The following SDHAF1 variants were observed in gnomAD, a reference collection of about 807,000 sequenced individuals.
The protein encoded by SDHAF1 is succinate dehydrogenase complex assembly factor 1.
For missense variants in SDHAF1, 198 were observed against 179.0 expected, an observed-to-expected ratio of 1.11 and a Z score of -0.61; for synonymous variants, 81 against 85.8, an observed-to-expected ratio of 0.94 and a Z score of 0.31.
chr19:35,995,383 C>G lies in SDHAF1; in HGVS notation c.109C>G (p.Arg37Gly). ...CGAGGCGCGAGTGCGGGCAGAGTTC[C>G]GGCAGCATGCGGGCCTGCCGCGGTC... ...GAEARVRAEF[R>G]QHAGLPRSDV... The change falls in exon 1 of 1, where the codon CGG becomes GGG. Residue 37 changes from arginine to glycine, a missense_variant. Coordinates refer to ENST00000378887, the MANE Select transcript of SDHAF1 (RefSeq NM_001042631.3). 1 of 1,558,788 alleles carries G rather than the reference C, an allele frequency of 6.4e-7. No homozygotes were observed. Among genetic ancestry groups the G allele is most frequent in the Non-Finnish European group, 8.6e-7 (1 of 1,159,938 alleles).
Position 35,995,547 on chromosome 19 carries a change from G to A in SDHAF1, c.273G>A (p.Gln91=). 6.5e-7 allele frequency: 1 copy of A among 1,535,930 alleles called. No homozygotes were observed. Among genetic ancestry groups the A allele is most frequent in the Non-Finnish European group, 8.7e-7 (1 of 1,145,586 alleles). The change falls in exon 1 of 1, where the codon CAG becomes CAA. Residue 91 remains glutamine, a synonymous_variant. Coordinates refer to ENST00000378887, the MANE Select transcript of SDHAF1 (RefSeq NM_001042631.3). ...GGGAGCCTGGCGGCGTGGGTTGCCA[G>A]CCTGACGACGGCGACAGTCCAAGGA... ...PTGEPGGVGC[Q]PDDGDSPRNP... is the part of the protein sequence containing the mutation.
rs1770224635 is a variant in SDHAF1, at chr19:35,996,077, T to C, written c.*455T>C. 5.7e-6 allele frequency: 1 copy of C among 176,380 alleles called. No individual in the cohort carries two copies. The highest frequency in any genetic ancestry group is 1.9e-4 in the East Asian group (1 of 5,372). 10.9% of individuals were successfully genotyped at this position (176,380 alleles called of 1,614,324 possible). ...AGTGCAGACTTTTTGCTGAGAACGT[T>C]TTGGGAAGGTGCCCTGATGAGCGGT... On this transcript the variant is annotated 3_prime_UTR_variant, in exon 1 of 1. Transcript: ENST00000378887.
Position 35,995,372 on chromosome 19 carries a change from G to T in SDHAF1, c.98G>T (p.Arg33Leu). Residue 33 changes from arginine (R) to leucine (L), a missense_variant, in exon 1 of 1, where the codon CGG (arginine) becomes CTG (leucine). By Grantham distance (102) the Arg-to-Leu change is moderately radical (BLOSUM62 -2). Coordinates refer to ENST00000378887, the MANE Select transcript of SDHAF1 (RefSeq NM_001042631.3). Reference sequence around the variant, plus strand: ...AAGCCGGGCGCCGAGGCGCGAGTGCGGGCAGAGTTCCGGCAGCATGCGGGC... The same window carrying T: ...AAGCCGGGCGCCGAGGCGCGAGTGCTGGCAGAGTTCCGGCAGCATGCGGGC... ...RGKPGAEARV[R>L]AEFRQHAGLP... The T allele has an allele frequency of 6.4e-7, 1 of 1,556,790 alleles. No homozygotes were observed. The highest frequency in any genetic ancestry group is 8.6e-7 in the Non-Finnish European group (1 of 1,158,858).
chr19:35,995,408 C>G lies in SDHAF1; in HGVS notation c.134C>G (p.Ser45Cys). Residue 45 changes from serine (S) to cysteine (C), a missense_variant, in exon 1 of 1, where the codon TCC becomes TGC. Ser to Cys is a moderately radical substitution (Grantham distance 112). Transcript: ENST00000378887. ...EFRQHAGLPR[S>C]DVLRIEYLYR... is the part of the protein sequence containing the mutation. The stretch of plus-strand genomic sequence containing the variant: ...CGGCAGCATGCGGGCCTGCCGCGGT[C>G]CGACGTGCTGCGCATCGAGTACCTG... 1.3e-6 allele frequency: 2 copies of G among 1,566,400 alleles called. No homozygotes were observed. The highest frequency in any genetic ancestry group is 1.7e-6 in the Non-Finnish European group (2 of 1,164,162).
chr19:35,995,465 T>A lies in SDHAF1; in HGVS notation c.191T>A (p.Leu64Gln), dbSNP rs1464896081. The A allele has an allele frequency of 2.6e-6, 4 of 1,561,538 alleles. No individual in the cohort carries two copies. The highest frequency in any genetic ancestry group is 1.8e-5 in the Admixed American group (1 of 55,950). Residue 64 changes from leucine to glutamine, a missense_variant, in exon 1 of 1, where the codon CTA becomes CAA. Transcript: ENST00000378887. ...CGCGGGCGGCGCCAGCTGCAGCTGC[T>A]ACGCTCGGGCCACGCCACCGCCATG... ...YRRGRRQLQL[L>Q]RSGHATAMGA...
In SDHAF1 at chr19:35,995,343, T is replaced by TGGGAAGCCGGGCGC; in HGVS notation, c.70_83dup (p.Glu29GlyfsTer111). 1 of 1,550,066 alleles carries TGGGAAGCCGGGCGC rather than the reference T, an allele frequency of 6.5e-7. No individual in the cohort carries two copies. Among genetic ancestry groups the TGGGAAGCCGGGCGC allele is most frequent in the African/African-American group, 1.4e-5 (1 of 73,652 alleles). On this transcript the variant is annotated frameshift_variant, in exon 1 of 1. Transcript: ENST00000378887. LOFTEE classifies it low-confidence loss of function (END_TRUNC). ...ACCGCGATCTGCTGCGCGCCGGGCG[T>TGGGAAGCCGGGCGC]GGGAAGCCGGGCGCCGAGGCGCGAG...
chr19:35,995,358 C>G lies in SDHAF1; in HGVS notation c.84C>G (p.Ala28=). Residue 28 remains alanine, a synonymous_variant, in exon 1 of 1, where the codon GCC becomes GCG. Coordinates refer to ENST00000378887, the MANE Select transcript of SDHAF1 (RefSeq NM_001042631.3). ...GCGCCGGGCGTGGGAAGCCGGGCGC[C>G]GAGGCGCGAGTGCGGGCAGAGTTCC... ...LLRAGRGKPG[A]EARVRAEFRQ... 1.3e-6 allele frequency: 2 copies of G among 1,550,612 alleles called. No homozygotes were observed. Among genetic ancestry groups the G allele is most frequent in the Non-Finnish European group, 1.7e-6 (2 of 1,155,598 alleles).
In SDHAF1 at chr19:35,995,962, G is replaced by A. The variant is rs1048280352; in HGVS notation, c.*340G>A. ...CAGGACGACCCCCGGTGGACAGGGA[G>A]AGCCTGAGACGCCCTTCTCTTGACC... is the stretch of plus-strand genomic sequence containing the variant. On this transcript the variant is annotated 3_prime_UTR_variant, in exon 1 of 1. Coordinates refer to ENST00000378887, the MANE Select transcript of SDHAF1 (RefSeq NM_001042631.3). 1 of 375,842 alleles carries A rather than the reference G, an allele frequency of 2.7e-6. No homozygotes were observed. The highest frequency in any genetic ancestry group is 5.1e-6 in the Non-Finnish European group (1 of 197,198). 23.3% of individuals were successfully genotyped at this position (375,842 alleles called of 1,614,324 possible).
rs7249826 is a variant in SDHAF1 at position 35,995,543 on chromosome 19, G to C, written c.269G>C (p.Cys90Ser). The C allele has an allele frequency of 1, 1,535,291 of 1,535,294 alleles. 767,644 individuals are homozygous for C. Among genetic ancestry groups the C allele is most frequent in the Middle Eastern group, 1 (4,996 of 4,996 alleles). The change falls in exon 1 of 1, where the codon TGC becomes TCC. Residue 90 changes from cysteine to serine, a missense_variant. Cys to Ser is a moderately radical substitution (Grantham distance 112). Transcript: ENST00000378887. ...ACCGGGGAGCCTGGCGGCGTGGGTT[G>C]CCAGCCTGACGACGGCGACAGTCCA... ...APTGEPGGVG[C>S]QPDDGDSPRN...
Position 35,995,593 on chromosome 19 carries a change from G to T in SDHAF1, c.319G>T (p.Ala107Ser), listed in dbSNP as rs956984428. Residue 107 changes from alanine to serine, a missense_variant, in exon 1 of 1, where the codon GCA becomes TCA. Coordinates refer to ENST00000378887, the MANE Select transcript of SDHAF1 (RefSeq NM_001042631.3). ...SPRNPHDSTGAPETRPDGR is the reference protein window; with the variant it reads ...SPRNPHDSTGSPETRPDGR Reference sequence around the variant, plus strand: ...AAGGAACCCCCACGACAGCACGGGGGCACCGGAGACCCGCCCCGACGGACG... The same window carrying T: ...AAGGAACCCCCACGACAGCACGGGGTCACCGGAGACCCGCCCCGACGGACG... 3.9e-6 allele frequency: 6 copies of T among 1,547,088 alleles called. No homozygotes were observed. In the African/African-American group the frequency reaches 6.9e-5, roughly 18 times the overall value.
chr19:35,995,932 G>T lies in SDHAF1; in HGVS notation c.*310G>T. 1 of 431,986 alleles carries T rather than the reference G, an allele frequency of 2.3e-6. No individual in the cohort carries two copies. Among genetic ancestry groups the T allele is most frequent in the East Asian group, 4.8e-5 (1 of 20,752 alleles). The allele number at this position is 431,986 out of a possible 1,614,324, so 26.8% of individuals were successfully genotyped here. On this transcript the variant is annotated 3_prime_UTR_variant, in exon 1 of 1. Transcript: ENST00000378887. Reference sequence around the variant, plus strand: ...AAGAGCTACTTGCCCGAAGGTACGGGGAGCCAGGACGACCCCCGGTGGACA... The same window carrying T: ...AAGAGCTACTTGCCCGAAGGTACGGTGAGCCAGGACGACCCCCGGTGGACA...
At position 35,995,787 on chromosome 19, in the gene SDHAF1, G is replaced by GC; in HGVS notation, c.*169dup. 2 of 616,076 alleles carry GC rather than the reference G, an allele frequency of 3.2e-6. No individual in the cohort carries two copies. Among genetic ancestry groups the GC allele is most frequent in the Non-Finnish European group, 5.7e-6 (2 of 348,456 alleles). The allele number at this position is 616,076 out of a possible 1,614,324, so 38.2% of individuals were successfully genotyped here. On this transcript the variant is annotated 3_prime_UTR_variant, in exon 1 of 1. Coordinates refer to ENST00000378887, the MANE Select transcript of SDHAF1 (RefSeq NM_001042631.3). ...CTTGGCGACGCAGGGGGCCTAGAGA[G>GC]CCCCGTGATGGACGGCAAGGGAGGC... is the stretch of plus-strand genomic sequence containing the variant.
In SDHAF1 at chr19:35,995,735, A is replaced by G; in HGVS notation, c.*113A>G. On this transcript the variant is annotated 3_prime_UTR_variant, in exon 1 of 1. Transcript: ENST00000378887. ...TGAGAGGTCTTAAGAGACTAGCTTG[A>G]CGAATTGGGGATGTCAGAGACTCCT... 1.2e-6 allele frequency: 1 copy of G among 813,944 alleles called. No individual in the cohort carries two copies. Among genetic ancestry groups the G allele is most frequent in the South Asian group, 1.6e-5 (1 of 63,542 alleles). The allele number at this position is 813,944 out of a possible 1,614,324, so 50.4% of individuals were successfully genotyped here.
In SDHAF1 at chr19:35,995,692, T is replaced by C. The variant is rs1377155247; in HGVS notation, c.*70T>C. On this transcript the variant is annotated 3_prime_UTR_variant, in exon 1 of 1. Transcript: ENST00000378887. ...GGCTCGCCTGACTGCATGGGGGGAC[T>C]GGGGAACCCGCCTAAGGTGAGAGGT... The C allele has an allele frequency of 4.9e-6, 6 of 1,226,176 alleles. No homozygotes were observed. The highest frequency in any genetic ancestry group is 7.0e-6 in the Non-Finnish European group (6 of 853,156). 76.0% of individuals were successfully genotyped at this position (1,226,176 alleles called of 1,614,324 possible). A position where few individuals can be genotyped will look rare whatever the true frequency, so the allele number is the denominator to read the frequency against.
rs1976664647 is a variant in SDHAF1, at chr19:35,996,026, C to T, written c.*404C>T. On this transcript the variant is annotated 3_prime_UTR_variant, in exon 1 of 1. Transcript: ENST00000378887. ...CCACTTCTGGCTCCTCAAGGAGTCT[C>T]CCCTCTCCTGTATTTAACTCTGAGA... 1 of 223,960 alleles carries T rather than the reference C, an allele frequency of 4.5e-6. No individual in the cohort carries two copies. The highest frequency in any genetic ancestry group is 5.8e-5 in the Admixed American group (1 of 17,360). 13.9% of individuals were successfully genotyped at this position (223,960 alleles called of 1,614,324 possible).
Position 35,995,375 on chromosome 19 carries a change from CAG to C in SDHAF1, c.104_105del (p.Glu35ValfsTer58). ...CCGGGCGCCGAGGCGCGAGTGCGGGCAGAGTTCCGGCAGCATGCGGGCCTGCC... is the reference window on the plus strand; with the variant it reads ...CCGGGCGCCGAGGCGCGAGTGCGGGCAGTTCCGGCAGCATGCGGGCCTGCC... On this transcript the variant is annotated frameshift_variant, in exon 1 of 1. Transcript: ENST00000378887. LOFTEE classifies it low-confidence loss of function (END_TRUNC). 3 of 1,557,990 alleles carry C rather than the reference CAG, an allele frequency of 1.9e-6. No homozygotes were observed. The highest frequency in any genetic ancestry group is 2.6e-6 in the Non-Finnish European group (3 of 1,159,502).
Position 35,995,884 on chromosome 19 carries a change from G to A in SDHAF1, c.*262G>A. 1.8e-6 allele frequency: 1 copy of A among 541,110 alleles called. No homozygotes were observed. The highest frequency in any genetic ancestry group is 3.3e-6 in the Non-Finnish European group (1 of 298,536). The allele number at this position is 541,110 out of a possible 1,614,324, so 33.5% of individuals were successfully genotyped here. ...AGGGCTTGGGGCGGCCTGGGACGCT[G>A]GCGGGCTGGACAGTGTCAAGCCAAG... On this transcript the variant is annotated 3_prime_UTR_variant, in exon 1 of 1. Transcript: ENST00000378887.
chr19:35,995,361 G>A lies in SDHAF1; in HGVS notation c.87G>A (p.Glu29=), dbSNP rs751320102. ...LRAGRGKPGA[E]ARVRAEFRQH... The stretch of plus-strand genomic sequence containing the variant: ...CCGGGCGTGGGAAGCCGGGCGCCGA[G>A]GCGCGAGTGCGGGCAGAGTTCCGGC... The change falls in exon 1 of 1, where the codon GAG becomes GAA. Residue 29 remains glutamate (E), a synonymous_variant. Transcript: ENST00000378887. The A allele has an allele frequency of 1.9e-5, 29 of 1,552,322 alleles. No homozygotes were observed. Among genetic ancestry groups the A allele is most frequent in the Non-Finnish European group, 2.3e-5 (27 of 1,156,496 alleles).
At position 35,995,657 on chromosome 19, in the gene SDHAF1, G is replaced by A. The variant is rs1976659410; in HGVS notation, c.*35G>A. 6.7e-7 allele frequency: 1 copy of A among 1,487,386 alleles called. No homozygotes were observed. Among genetic ancestry groups the A allele is most frequent in the Non-Finnish European group, 9.2e-7 (1 of 1,090,084 alleles). 92.1% of individuals were successfully genotyped at this position (1,487,386 alleles called of 1,614,324 possible). ...AGCCGAACTCGCTCGATGGCGTGGT[G>A]GAGCCAGGAGGCTCGCCTGACTGCA... On this transcript the variant is annotated 3_prime_UTR_variant, in exon 1 of 1. Transcript: ENST00000378887.
Sources: allele counts gnomAD v4.1 joint callset, GRCh38; gene constraint gnomAD v4.1.1; transcripts MANE v1.5; gene names NCBI Gene and HGNC (gene_info 2026-07-23, HGNC 2026-07-21).